Variants in NRXN1 observed in about 807,000 individuals in gnomAD.
NRXN1 encodes neurexin-1.
NRXN1 carries 39 observed loss-of-function variants against 150.9 expected under a neutral mutation model. The observed-to-expected ratio is 0.26, with a 90% confidence interval of 0.20 to 0.34. The LOEUF (loss-of-function observed/expected upper bound fraction) is 0.34. Ranked by LOEUF, NRXN1 falls within the 10% of genes least tolerant of loss-of-function variation. NRXN1 has a pLI of 1.00. For synonymous variants in NRXN1, 924 were observed against 757.0 expected, an observed-to-expected ratio of 1.22 and a Z score of -3.62; for missense variants, 1,815 against 1,949.9, an observed-to-expected ratio of 0.93 and a Z score of 1.30.
chr2:50,247,289 A>C (rs1208557468), intron 17 of NRXN1, among the ~76,000 whole-genome samples: 1 of 152,130 alleles, frequency 6.6e-6, no homozygotes, highest in Non-Finnish European at 1.5e-5. Context: ...CATGAAAAGG[A>C]GCACCAGATC....
intron 21 of NRXN1, among the ~76,000 whole-genome samples, chr2:50,026,771 C>T (rs12987268): frequency 0.73 from 110,161 of 150,662 alleles, 40,339 homozygotes; most frequent in African/African-American, 0.79. Context: ...GCATGAAAAA[C>T]AAGACAACTT....
intron 5 of NRXN1, among the ~76,000 whole-genome samples, chr2:50,736,406 G>C (rs1465505497): frequency 6.6e-6 from 1 of 152,010 alleles, no homozygotes; most frequent in Non-Finnish European, 1.5e-5. Context: ...TTTTGTGTGT[G>C]TTTGTGGAAC....
At chr2:50,001,102 C>T (rs1405124955) in intron 21 of NRXN1, among the ~76,000 whole-genome samples, 1 of 152,132 alleles carries the variant, frequency 6.6e-6, no homozygotes, top group Admixed American at 6.6e-5. Context: ...CCATTGTAGT[C>T]AGTGGCTTTA....
chr2:49,961,706 C>T (rs1178524785), intron 21 of NRXN1, among the ~76,000 whole-genome samples: 3 of 151,988 alleles, frequency 2.0e-5, no homozygotes, highest in Non-Finnish European at 2.9e-5. Context: ...GTTGCTGATA[C>T]AGTAGAAAAG....
At chr2:50,496,407 A>T (rs1449448250) in intron 14 of NRXN1, among the ~76,000 whole-genome samples, 8 of 152,130 alleles carry the variant, frequency 5.3e-5, no homozygotes, top group Non-Finnish European at 1.0e-4. Context: ...AATTCCCTCC[A>T]TCCTTTTCTA....
intron 5 of NRXN1, chr2:50,632,877 T>C (rs112957620): frequency 4.6e-5 from 7 of 152,014 alleles, no homozygotes; most frequent in Admixed American, 1.3e-4. Flanking sequence ...ATCTATTTAA[T>C]ATGTACTCCA....
At chr2:50,126,932 T>C (rs1048522040) in intron 18 of NRXN1, among the ~76,000 whole-genome samples, 5 of 152,160 alleles carry the variant, frequency 3.3e-5, no homozygotes, top group African/African-American at 1.2e-4. Context: ...CAAGCTGCAA[T>C]AATATTTACT....
chr2:50,158,258 G>T (rs1434892111), intron 18 of NRXN1, among the ~76,000 whole-genome samples: 5 of 151,522 alleles, frequency 3.3e-5, no homozygotes, highest in African/African-American at 1.2e-4. Flanking sequence ...GTTCATCAGA[G>T]CCCACAGGAT....
intron 12 of NRXN1, among the ~76,000 whole-genome samples, chr2:50,518,172 G>A (rs2092683144): frequency 6.6e-6 from 1 of 151,910 alleles, no homozygotes; most frequent in East Asian, 1.9e-4. Context: ...TTACAACACA[G>A]TAAAAATGAA....
At chr2:49,927,610 T>C (rs958906110) in intron 22 of NRXN1, among the ~76,000 whole-genome samples, 2 of 152,228 alleles carry the variant, frequency 1.3e-5, no homozygotes, top group African/African-American at 2.4e-5. Context: ...CTTTTTGAAA[T>C]TGGAAACAGC....
At chr2:50,945,482 A>G (rs1477752175) in intron 2 of NRXN1, among the ~76,000 whole-genome samples, 6 of 142,692 alleles carry the variant, frequency 4.2e-5, no homozygotes, top group Non-Finnish European at 9.0e-5. Flanking sequence ...ATAACTAGAT[A>G]TATAAATATA....
intron 5 of NRXN1, among the ~76,000 whole-genome samples, chr2:50,892,316 G>T (rs1337624335): frequency 6.6e-6 from 1 of 152,132 alleles, no homozygotes; most frequent in East Asian, 1.9e-4. Flanking sequence ...ATTGTAGATG[G>T]AAGTTGTGAT....
chr2:50,585,142 T>C (rs1191449017), intron 8 of NRXN1, among the ~76,000 whole-genome samples: 1 of 152,188 alleles, frequency 6.6e-6, no homozygotes, highest in African/African-American at 2.4e-5. Context: ...TAGTATCAGA[T>C]CTGGATTCGG....
Position 51,027,569 on chromosome 2 carries a change from G to T in NRXN1, c.705C>A (p.Ser235=). 6.2e-7 allele frequency: 1 copy of T among 1,602,196 alleles called. No homozygotes were observed. Among genetic ancestry groups the T allele is most frequent in the African/African-American group, 1.3e-5 (1 of 74,768 alleles). ...CGCACACGGCCTGGTCGTCCACCACGGAGCACACACCTCCGTTGAGGCACA... is the reference window on the plus strand; with the variant it reads ...CGCACACGGCCTGGTCGTCCACCACTGAGCACACACCTCCGTTGAGGCACA... ...GGVCLNGGVC[S]VVDDQAVCDC... Residue 235 remains serine, a synonymous_variant, in exon 2 of 23, where the codon TCC becomes TCA. Transcript: ENST00000401669.
At chr2:50,266,647 G>A (rs2068932726) in intron 17 of NRXN1, among the ~76,000 whole-genome samples, 2 of 151,526 alleles carry the variant, frequency 1.3e-5, no homozygotes, top group Admixed American at 1.3e-4. Context: ...CAGAAAGAAG[G>A]AAGCAGCAAG....
intron 21 of NRXN1, among the ~76,000 whole-genome samples, chr2:49,950,130 C>A (rs755563444): frequency 4.0e-5 from 6 of 151,836 alleles, no homozygotes; most frequent in Non-Finnish European, 8.8e-5. Flanking sequence ...GGAAAAACTG[C>A]AGAAAATAAT....
At chr2:50,812,152 A>G (rs910716498) in intron 5 of NRXN1, among the ~76,000 whole-genome samples, 1 of 152,204 alleles carries the variant, frequency 6.6e-6, no homozygotes, top group Non-Finnish European at 1.5e-5. Flanking sequence ...TTTGTACAGT[A>G]TACATTTAAA....
rs188362377 is a variant in NRXN1, at chr2:50,855,767, A to G, written c.832+66102T>C. On this transcript the variant is annotated intron_variant, in intron 5 of 22. Coordinates refer to ENST00000401669, the MANE Select transcript of NRXN1 (RefSeq NM_001330078.2). The stretch of plus-strand genomic sequence containing the variant: ...AGGACAAACATTCATTGAATATCTT[A>G]CTATGTCCACTGACTATCCTATCCT... Among the ~76,000 whole-genome samples the G allele has an allele frequency of 7.8e-4, 119 of 152,174 alleles. 1 individual carries two copies. The East Asian group carries it at 0.014, about 17-fold the overall frequency.
intron 17 of NRXN1, among the ~76,000 whole-genome samples, chr2:50,312,099 A>T (rs2152964807): frequency 6.6e-6 from 1 of 152,226 alleles, no homozygotes; most frequent in Non-Finnish European, 1.5e-5. Context: ...TGTAAATTTG[A>T]CACAATGGAT....
Sources: gnomAD v4.1 joint callset for allele counts (sites outside exome capture counted in the v4.1 genomes callset) on GRCh38, gnomAD v4.1.1 for gene constraint, MANE v1.5 for transcripts, NCBI Gene and HGNC (gene_info 2026-07-23, HGNC 2026-07-21) for gene names.